KIRREL1: variants seen among roughly 807,000 people sequenced by gnomAD.
The protein encoded by KIRREL1 is kirre like nephrin family adhesion molecule 1.
In KIRREL1, 25 loss-of-function variants were observed where a neutral mutation model predicts 83.3. The ratio of observed to expected loss-of-function variants is 0.30; its 90% CI spans 0.22 to 0.42. The LOEUF (loss-of-function observed/expected upper bound fraction) is 0.42, where lower values mean the gene tolerates loss of function less well. KIRREL1 is among the 10% of genes least tolerant of loss of function. KIRREL1 has a pLI of 1.00. For missense variants in KIRREL1, 812 were observed against 1,032.3 expected (o/e 0.79, Z 2.92); for synonymous variants, 388 against 410.4 (o/e 0.95, Z 0.66).
In KIRREL1 at chr1:158,088,032, A is replaced by C; in HGVS notation, c.794A>C (p.Glu265Ala). The C allele has an allele frequency of 6.2e-7, 1 of 1,614,206 alleles. No homozygotes were observed. Among genetic ancestry groups the C allele is most frequent in the Non-Finnish European group, 8.5e-7 (1 of 1,180,040 alleles). ...TGGGCCAAAGGGGGTTTCTTGATTG[A>C]AGACGCCCACGAGAGTCGCTATGAG... Reference protein sequence around the residue: ...YRWAKGGFLIEDAHESRYETN... With the variant: ...YRWAKGGFLIADAHESRYETN... The change falls in exon 7 of 15, where the codon GAA (glutamate) becomes GCA (alanine). Residue 265 changes from glutamate to alanine, a missense_variant. Glu to Ala is a moderately radical substitution (Grantham distance 107). Transcript: ENST00000359209.
chr1:158,094,307 C>T lies in KIRREL1; in HGVS notation c.1720-6C>T, dbSNP rs764776671. On this transcript the variant is annotated splice_region_variant and splice_polypyrimidine_tract_variant and intron_variant, in intron 13 of 14. Coordinates refer to ENST00000359209, the MANE Select transcript of KIRREL1 (RefSeq NM_018240.7). This position sits in a 1 kb window ranked among gnomAD's most constrained non-coding sequence, Gnocchi z 4.6. The stretch of plus-strand genomic sequence containing the variant: ...CTGCTGACGTCCCACTCCTGCTGCT[C>T]CACAGTCGTTTAAGGATGATGTGGA... 3 of 1,600,738 alleles carry T rather than the reference C, an allele frequency of 1.9e-6. No homozygotes were observed. The highest frequency in any genetic ancestry group is 1.6e-4 in the Middle Eastern group (1 of 6,068).
chr1:158,061,145 T>G (rs1263500262), intron 1 of KIRREL1, among the ~76,000 whole-genome samples: 2 of 151,498 alleles, frequency 1.3e-5, no homozygotes, highest in African/African-American at 2.4e-5. Context: ...TGAGCTTGAT[T>G]GATTCTGATA....
intron 1 of KIRREL1, among the ~76,000 whole-genome samples, chr1:158,021,987 A>G (rs1279370313): frequency 2.0e-5 from 3 of 149,458 alleles, no homozygotes; most frequent in African/African-American, 7.3e-5. Context: ...AGGAGGAGAC[A>G]TGGCATGGAT....
chr1:158,033,001 C>T (rs1017999521), intron 1 of KIRREL1, among the ~76,000 whole-genome samples: 9 of 152,142 alleles, frequency 5.9e-5, no homozygotes, highest in African/African-American at 2.2e-4. Flanking sequence ...GAACTCCTGA[C>T]CTCAAGTGAT....
At chr1:158,025,543 A>AGGAAGGAAGAAGGAAAAGTCC in intron 1 of KIRREL1, 2 of 152,582 alleles carry the variant, frequency 1.3e-5, no homozygotes, top group Non-Finnish European at 2.9e-5. Context: ...TGGTCTAGAG[A>AGGAAGGAAGAAGGAAAAGTCC]GGAAGGAAGA....
chr1:158,034,251 A>G (rs1161335535), intron 1 of KIRREL1, among the ~76,000 whole-genome samples: 1 of 147,942 alleles, frequency 6.8e-6, no homozygotes, highest in Non-Finnish European at 1.5e-5. Context: ...GCCTGGGAGA[A>G]AGAGCTAGAC....
Position 158,081,181 on chromosome 1 carries a change from C to T in KIRREL1, c.352+3041C>T, listed in dbSNP as rs1661843141. On this transcript the variant is annotated intron_variant, in intron 3 of 14. Transcript: ENST00000359209. ...TCCAAAACCATGGTGATGAGCATGACTTCTGGGTCAGGCAAGCCTGGTCCA... is the reference window on the plus strand; with the variant it reads ...TCCAAAACCATGGTGATGAGCATGATTTCTGGGTCAGGCAAGCCTGGTCCA... Among the ~76,000 whole-genome samples the T allele has an allele frequency of 1.3e-5, 2 of 149,858 alleles. 1 individual carries two copies. The highest frequency in any genetic ancestry group is 4.2e-4 in the South Asian group (2 of 4,706).
chr1:158,082,754 G>A (rs370291712), intron 3 of KIRREL1, among the ~76,000 whole-genome samples: 12 of 152,270 alleles, frequency 7.9e-5, no homozygotes, highest in African/African-American at 2.9e-4. Flanking sequence ...GACTGCTTGA[G>A]CCCAGGAGTT....
At chr1:158,061,794 T>C (rs1661221550) in intron 1 of KIRREL1, among the ~76,000 whole-genome samples, 1 of 152,086 alleles carries the variant, frequency 6.6e-6, no homozygotes, top group South Asian at 2.1e-4. Flanking sequence ...TTTTGTAGGA[T>C]GGGAAAGGAA....
At chr1:158,032,234 A>G (rs1347413846) in intron 1 of KIRREL1, among the ~76,000 whole-genome samples, 1 of 152,206 alleles carries the variant, frequency 6.6e-6, no homozygotes, top group South Asian at 2.1e-4. Flanking sequence ...AGTCAGGGGC[A>G]GGGATTCTCA....
rs1662192570 is a variant in KIRREL1 at position 158,091,438 on chromosome 1, G to A, written c.1353G>A (p.Gly451=). Residue 451 remains glycine, a synonymous_variant, in exon 11 of 15, where the codon GGG becomes GGA. Transcript: ENST00000359209. Reference sequence around the variant, plus strand: ...TGGAGAGGACCAACTCAGGCAGTGGGGTGCTATCCACGCTCACCATCAACA... The same window carrying A: ...TGGAGAGGACCAACTCAGGCAGTGGAGTGCTATCCACGCTCACCATCAACA... The part of the protein sequence containing the change: ...YTVERTNSGS[G]VLSTLTINNV... The A allele has an allele frequency of 1.2e-6, 2 of 1,613,976 alleles. No homozygotes were observed. Among genetic ancestry groups the A allele is most frequent in the Non-Finnish European group, 1.7e-6 (2 of 1,179,982 alleles).
chr1:158,019,155 G>A (rs971097756), intron 1 of KIRREL1, among the ~76,000 whole-genome samples: 3 of 152,246 alleles, frequency 2.0e-5, no homozygotes, highest in East Asian at 1.9e-4. Context: ...GGCACAAATC[G>A]AATAAGTCAG....
chr1:158,003,187 C>T (rs1234708729), intron 1 of KIRREL1, among the ~76,000 whole-genome samples: 1 of 152,106 alleles, frequency 6.6e-6, no homozygotes, highest in Admixed American at 6.5e-5. Context: ...CTTTTAACTG[C>T]TTCTTCCCAT....
intron 3 of KIRREL1, among the ~76,000 whole-genome samples, chr1:158,081,031 C>T (rs1385264992): frequency 2.5e-5 from 3 of 118,916 alleles, no homozygotes; most frequent in African/African-American, 8.9e-5. Flanking sequence ...CTCAGCAGCC[C>T]CCCAGCTCCC....
Position 158,089,766 on chromosome 1 carries a change from A to G in KIRREL1, c.1220A>G (p.Asp407Gly). 1 of 1,614,094 alleles carries G rather than the reference A, an allele frequency of 6.2e-7. No homozygotes were observed. ...SEAVQYAVRGDGGKVECFIGS... is the reference protein window; with the variant it reads ...SEAVQYAVRGGGGKVECFIGS... ...GCAGTGCAGTATGCTGTGAGGGGTGACGGTGGCAAGGTGGAGTGTTTCATT... is the reference window on the plus strand; with the variant it reads ...GCAGTGCAGTATGCTGTGAGGGGTGGCGGTGGCAAGGTGGAGTGTTTCATT... The change falls in exon 10 of 15, where the codon GAC becomes GGC. Residue 407 changes from aspartate (D) to glycine (G), a missense_variant. Transcript: ENST00000359209.
chr1:158,046,082 A>G (rs1022931585), intron 1 of KIRREL1, among the ~76,000 whole-genome samples: 1 of 152,206 alleles, frequency 6.6e-6, no homozygotes, highest in Non-Finnish European at 1.5e-5. Flanking sequence ...TGCTTTGGGT[A>G]CTGTGTCAAG....
intron 1 of KIRREL1, among the ~76,000 whole-genome samples, chr1:158,005,635 C>A (rs2101627680): frequency 6.6e-6 from 1 of 152,062 alleles, no homozygotes; most frequent in African/African-American, 2.4e-5. Context: ...TGGTCTGGGC[C>A]TTGACCCTGT....
At chr1:158,037,993 T>C (rs1426105877) in intron 1 of KIRREL1, among the ~76,000 whole-genome samples, 2 of 152,236 alleles carry the variant, frequency 1.3e-5, no homozygotes, top group East Asian at 3.9e-4. Flanking sequence ...TCAGCTAGAC[T>C]CGGGGCAGGA....
chr1:157,999,481 A>G (rs1659295624), intron 1 of KIRREL1, among the ~76,000 whole-genome samples: 2 of 152,206 alleles, frequency 1.3e-5, no homozygotes, highest in Non-Finnish European at 2.9e-5. Flanking sequence ...GACCTAGAGA[A>G]GTTAAATAAA....
Sources: allele counts gnomAD v4.1 joint callset (sites outside exome capture counted in the v4.1 genomes callset), GRCh38; gene constraint gnomAD v4.1.1; non-coding constraint Gnocchi (gnomAD v3.1); transcripts MANE v1.5; gene names NCBI Gene and HGNC (gene_info 2026-07-23, HGNC 2026-07-21).